Variants in NRGN observed in about 807,000 individuals in gnomAD.
The protein encoded by NRGN is calmodulin-binding protein.
For missense variants in NRGN, 82 were observed against 123.0 expected, an observed-to-expected ratio of 0.67 and a Z score of 1.58; for synonymous variants, 47 against 52.8, an observed-to-expected ratio of 0.89 and a Z score of 0.47.
rs1396486443 is a variant in NRGN at position 124,746,451 on chromosome 11, T to TC, written c.*74dup. 6.6e-6 allele frequency: 1 copy of TC among 152,572 alleles called. No homozygotes were observed. The highest frequency in any genetic ancestry group is 1.5e-5 in the Non-Finnish European group (1 of 68,034). The allele number at this position is 152,572 out of a possible 1,614,324, so 9.5% of individuals were successfully genotyped here. A position where few individuals can be genotyped will look rare whatever the true frequency, so the allele number is the denominator to read the frequency against. On this transcript the variant is annotated 3_prime_UTR_variant, in exon 4 of 4. Coordinates refer to ENST00000284292, the MANE Select transcript of NRGN (RefSeq NM_006176.3). ...GCGTCCCCTTCGCAGCGACGAGACT[T>TC]CCCTGCCGTGTTTGTGACCCCCTCC...
chr11:124,742,258 C>T (rs969224327), intron 1 of NRGN, among the ~76,000 whole-genome samples: 2 of 152,072 alleles, frequency 1.3e-5, no homozygotes, highest in African/African-American at 2.4e-5. Flanking sequence ...AACAGCATAC[C>T]TCTTGGGGGC....
chr11:124,745,402 C>A lies in NRGN; in HGVS notation c.16-101C>A. ...ACACCCCTCTCTGTACCTCCCACCC[C>A]CGCGTCGCCATAGTCCCTGTCCCTC... On this transcript the variant is annotated intron_variant, in intron 1 of 3. Coordinates refer to ENST00000284292, the MANE Select transcript of NRGN (RefSeq NM_006176.3). This position sits in a 1 kb window ranked among gnomAD's most constrained non-coding sequence, Gnocchi z 6.4. 1 of 765,144 alleles carries A rather than the reference C, an allele frequency of 1.3e-6. No homozygotes were observed. 47.4% of individuals were successfully genotyped at this position (765,144 alleles called of 1,614,324 possible).
rs549358447 is a variant in NRGN, at chr11:124,746,752, G to A, written c.*372G>A. ...GCGCGCACTGCGGAGGGCGCCCTAA[G>A]CGTCACCCAAGCACACTCACTTAAA... On this transcript the variant is annotated 3_prime_UTR_variant, in exon 4 of 4. Coordinates refer to ENST00000284292, the MANE Select transcript of NRGN (RefSeq NM_006176.3). 2 of 152,476 alleles carry A rather than the reference G, an allele frequency of 1.3e-5. No individual in the cohort carries two copies. Among genetic ancestry groups the A allele is most frequent in the Admixed American group, 1.3e-4 (2 of 15,306 alleles). 9.4% of individuals were successfully genotyped at this position (152,476 alleles called of 1,614,324 possible). A position where few individuals can be genotyped will look rare whatever the true frequency, so the allele number is the denominator to read the frequency against.
At chr11:124,742,814 T>A (rs12287365) in intron 1 of NRGN, among the ~76,000 whole-genome samples, 52,122 of 152,080 alleles carry the variant, frequency 0.34, 10,972 homozygotes, top group African/African-American at 0.6. Flanking sequence ...AAGCAGGGGA[T>A]ATCCTTAAAG....
At position 124,745,824 on chromosome 11, in the gene NRGN, G is replaced by A. The variant is rs374936147; in HGVS notation, c.*5+95G>A. 17 of 617,482 alleles carry A rather than the reference G, an allele frequency of 2.8e-5. No homozygotes were observed. The highest frequency in any genetic ancestry group is 2.1e-4 in the African/African-American group (11 of 51,896). The allele number at this position is 617,482 out of a possible 1,614,324, so 38.3% of individuals were successfully genotyped here. On this transcript the variant is annotated intron_variant, in intron 2 of 3. Transcript: ENST00000284292. The surrounding 1 kb of genome is among the most constrained non-coding windows in gnomAD (Gnocchi z 6.4). The stretch of plus-strand genomic sequence containing the variant: ...TAAGGGCGGGTTGGAGGTGCAGGGG[G>A]CGTGGAGGGAGCTAAGGGTTGGGGG...
chr11:124,741,415 A>T (rs1943964659), intron 1 of NRGN, among the ~76,000 whole-genome samples: 1 of 152,204 alleles, frequency 6.6e-6, no homozygotes, highest in African/African-American at 2.4e-5. Context: ...TCTGCTCATA[A>T]TAGAAAACGT....
At chr11:124,744,261 G>T (rs936779995) in intron 1 of NRGN, among the ~76,000 whole-genome samples, 3 of 152,222 alleles carry the variant, frequency 2.0e-5, no homozygotes, top group African/African-American at 7.2e-5. Flanking sequence ...TTAACTTAAT[G>T]TTATTTTTAA....
chr11:124,745,604 C>A lies in NRGN; in HGVS notation c.117C>A (p.Gly39=), dbSNP rs756776110. 7.5e-6 allele frequency: 12 copies of A among 1,606,424 alleles called. No individual in the cohort carries two copies. The stretch of plus-strand genomic sequence containing the variant: ...CCAAAATCCAGGCGAGTTTTCGGGG[C>A]CACATGGCGCGGAAGAAGATAAAGA... ...AAAKIQASFR[G]HMARKKIKSG... Residue 39 remains glycine (G), a synonymous_variant, in exon 2 of 4, where the codon GGC becomes GGA. Coordinates refer to ENST00000284292, the MANE Select transcript of NRGN (RefSeq NM_006176.3). The surrounding 1 kb of genome is among the most constrained non-coding windows in gnomAD (Gnocchi z 6.4).
In NRGN at chr11:124,745,105, G is replaced by C. The variant is rs375365997; in HGVS notation, c.16-398G>C. Among the ~76,000 whole-genome samples the C allele has an allele frequency of 4.6e-5, 7 of 152,210 alleles. No homozygotes were observed. In the East Asian group the frequency reaches 1.4e-3, roughly 29 times the overall value. ...CCCTGGACTCAGACTGGGTCCTTCT[G>C]AGCTGGAGGTACCCTCTGAGAGCAG... On this transcript the variant is annotated intron_variant, in intron 1 of 3. Coordinates refer to ENST00000284292, the MANE Select transcript of NRGN (RefSeq NM_006176.3). The surrounding 1 kb of genome is among the most constrained non-coding windows in gnomAD (Gnocchi z 6.4).
chr11:124,740,175 G>A lies in NRGN; in HGVS notation c.15+76G>A. 1.8e-6 allele frequency: 2 copies of A among 1,100,680 alleles called. No individual in the cohort carries two copies. The highest frequency in any genetic ancestry group is 1.2e-6 in the Non-Finnish European group (1 of 842,610). 68.2% of individuals were successfully genotyped at this position (1,100,680 alleles called of 1,614,324 possible). On this transcript the variant is annotated intron_variant, in intron 1 of 3. Coordinates refer to ENST00000284292, the MANE Select transcript of NRGN (RefSeq NM_006176.3). The surrounding 1 kb of genome is among the most constrained non-coding windows in gnomAD (Gnocchi z 7.5). ...GGCGCCTGAGAAAGCCCTGGAGGGC[G>A]AGAGAGGGATGGAAGTGGATGCGGA...
At chr11:124,746,187 G>T (rs1204192946) in intron 3 of NRGN, 1 of 153,774 alleles carries the variant, frequency 6.5e-6, no homozygotes, top group Non-Finnish European at 1.4e-5. Flanking sequence ...ACCCCATTTG[G>T]CTGCACAAGC....
chr11:124,741,522 C>T (rs1224122718), intron 1 of NRGN, among the ~76,000 whole-genome samples: 1 of 152,116 alleles, frequency 6.6e-6, no homozygotes, highest in Admixed American at 6.5e-5. Flanking sequence ...CCAGCCTTTT[C>T]CCTCTGCTTG....
chr11:124,744,658 TG>T (rs913144568), intron 1 of NRGN: 1 of 152,216 alleles, frequency 6.6e-6, no homozygotes, highest in Non-Finnish European at 1.5e-5. Context: ...AGCTTTATTT[TG>T]GGGGACTAAA....
In NRGN at chr11:124,746,870, A is replaced by C. The variant is rs989788791; in HGVS notation, c.*490A>C. The C allele has an allele frequency of 1.3e-5, 2 of 152,642 alleles. No homozygotes were observed. Among genetic ancestry groups the C allele is most frequent in the Non-Finnish European group, 2.9e-5 (2 of 68,092 alleles). The allele number at this position is 152,642 out of a possible 1,614,324, so 9.5% of individuals were successfully genotyped here. On this transcript the variant is annotated 3_prime_UTR_variant, in exon 4 of 4. Transcript: ENST00000284292. ...CCCCAGCCTAGCCCCAAGACTTTGGATCCGGGGCGAGATGAAGGGAAGAGG... is the reference window on the plus strand; with the variant it reads ...CCCCAGCCTAGCCCCAAGACTTTGGCTCCGGGGCGAGATGAAGGGAAGAGG...
chr11:124,739,985 C>A lies in NRGN; in HGVS notation c.-100C>A. The A allele has an allele frequency of 3.8e-6, 2 of 523,796 alleles. No individual in the cohort carries two copies. The highest frequency in any genetic ancestry group is 6.4e-6 in the Non-Finnish European group (2 of 311,638). 32.4% of individuals were successfully genotyped at this position (523,796 alleles called of 1,614,324 possible). A position where few individuals can be genotyped will look rare whatever the true frequency, so the allele number is the denominator to read the frequency against. On this transcript the variant is annotated 5_prime_UTR_variant, in exon 1 of 4. The change creates a new upstream start codon in the 5' untranslated region. Transcript: ENST00000284292. ...GAGCTGCTGTTTCGGCGCGGGTCGG[C>A]TGGCGGCCGACTGCCCCAGAGCCCC...
At chr11:124,744,429 GC>G (rs1423591673) in intron 1 of NRGN, among the ~76,000 whole-genome samples, 35 of 152,308 alleles carry the variant, frequency 2.3e-4, no homozygotes, top group South Asian at 4.1e-4. Context: ...TAGATAACTT[GC>G]CGAAGGCCAC....
Position 124,742,540 on chromosome 11 carries a change from C to T in NRGN, c.15+2441C>T, listed in dbSNP as rs75399450. ...CCTGCATTCACCGCGCATGAAAAAG[C>T]GCATGAATTTTTTTGGATCCTCATT... On this transcript the variant is annotated intron_variant, in intron 1 of 3. Transcript: ENST00000284292. Among the ~76,000 whole-genome samples, 252 of 152,172 alleles carry T rather than the reference C, an allele frequency of 1.7e-3. 1 individual carries two copies. Among genetic ancestry groups the T allele is most frequent in the African/African-American group, 3.6e-3 (149 of 41,514 alleles).
Position 124,739,992 on chromosome 11 carries a change from C to T in NRGN, c.-93C>T, listed in dbSNP as rs1018977563. On this transcript the variant is annotated 5_prime_UTR_variant, in exon 1 of 4. Transcript: ENST00000284292. ...TGTTTCGGCGCGGGTCGGCTGGCGG[C>T]CGACTGCCCCAGAGCCCCCACCCGG... 1.8e-5 allele frequency: 10 copies of T among 552,702 alleles called. No homozygotes were observed. Among genetic ancestry groups the T allele is most frequent in the African/African-American group, 1.2e-4 (6 of 50,590 alleles). The allele number at this position is 552,702 out of a possible 1,614,324, so 34.2% of individuals were successfully genotyped here.
Position 124,745,274 on chromosome 11 carries a change from T to A in NRGN, c.16-229T>A, listed in dbSNP as rs1288250902. On this transcript the variant is annotated intron_variant, in intron 1 of 3. Coordinates refer to ENST00000284292, the MANE Select transcript of NRGN (RefSeq NM_006176.3). This position sits in a 1 kb window ranked among gnomAD's most constrained non-coding sequence, Gnocchi z 6.4. ...CACCCAATCCTGCCTGCACTTCTCT[T>A]TCCTGAATTGAGACATGACTGTCCA... is the stretch of plus-strand genomic sequence containing the variant. Among the ~76,000 whole-genome samples the A allele has an allele frequency of 3.3e-5, 5 of 152,076 alleles. No individual in the cohort carries two copies. Among genetic ancestry groups the A allele is most frequent in the African/African-American group, 4.8e-5 (2 of 41,396 alleles).
Sources: allele counts gnomAD v4.1 joint callset (sites outside exome capture counted in the v4.1 genomes callset), GRCh38; gene constraint gnomAD v4.1.1; non-coding constraint Gnocchi (gnomAD v3.1); transcripts MANE v1.5; gene names NCBI Gene and HGNC (gene_info 2026-07-23, HGNC 2026-07-21).